CACNA1C: variants seen among roughly 807,000 people sequenced by gnomAD.
The protein encoded by CACNA1C is calcium voltage-gated channel subunit alpha1 C.
CACNA1C carries 30 observed loss-of-function variants against 229.0 expected under a neutral mutation model. The observed-to-expected ratio is 0.13, with a 90% confidence interval of 0.10 to 0.18. The LOEUF (loss-of-function observed/expected upper bound fraction) is 0.18, where lower values mean the gene tolerates loss of function less well. Among genes scored for constraint, CACNA1C ranks in the 10% least tolerant of loss-of-function variants. CACNA1C has a pLI of 1.00. For synonymous variants in CACNA1C, 1,114 were observed against 1,132.5 expected, an observed-to-expected ratio of 0.98 and a Z score of 0.33; for missense variants, 1,658 against 2,845.0, an observed-to-expected ratio of 0.58 and a Z score of 9.49.
At chr12:2,530,941 AC>A (rs2099839607) in intron 9 of CACNA1C, among the ~76,000 whole-genome samples, 1 of 152,158 alleles carries the variant, frequency 6.6e-6, no homozygotes, top group African/African-American at 2.4e-5. Flanking sequence ...CCTCCAGGCG[AC>A]CTTTAGACGC....
At chr12:2,136,498 A>G (rs1011487558) in intron 3 of CACNA1C, among the ~76,000 whole-genome samples, 5 of 151,412 alleles carry the variant, frequency 3.3e-5, no homozygotes, top group Admixed American at 1.3e-4. Flanking sequence ...CTAAGGTATA[A>G]ATGGGAGGGG....
intron 1 of CACNA1C, among the ~76,000 whole-genome samples, chr12:2,097,236 C>T (rs1260049375): frequency 6.6e-6 from 1 of 152,136 alleles, no homozygotes; most frequent in Admixed American, 6.5e-5. Context: ...AGCTCCGCCT[C>T]CCAGGTTCAC....
chr12:2,123,249 A>G (rs992716283), intron 3 of CACNA1C, among the ~76,000 whole-genome samples: 7 of 151,786 alleles, frequency 4.6e-5, no homozygotes, highest in Non-Finnish European at 8.8e-5. Flanking sequence ...GGTGGCGGGC[A>G]CCTGTAGTCC....
At chr12:2,204,947 T>A (rs1197453486) in intron 3 of CACNA1C, among the ~76,000 whole-genome samples, 3 of 127,390 alleles carry the variant, frequency 2.4e-5, no homozygotes, top group Non-Finnish European at 3.6e-5. Context: ...TAAAAAAAAA[T>A]AAATTAATTA....
intron 3 of CACNA1C, among the ~76,000 whole-genome samples, chr12:2,177,634 C>CCTTCCTTCTCTCTCTCTTTCTT (rs1566165741): frequency 1.1e-4 from 12 of 112,982 alleles, no homozygotes; most frequent in South Asian, 3.6e-4. Flanking sequence ...CCTTCTCTCT[C>CCTTCCTTCTCTCTCTCTTTCTT]TCTTTCTTTC....
intron 3 of CACNA1C, among the ~76,000 whole-genome samples, chr12:2,144,646 C>T (rs899802536): frequency 2.0e-5 from 3 of 151,184 alleles, no homozygotes; most frequent in Non-Finnish European, 4.4e-5. Flanking sequence ...TAATATTTTA[C>T]GCGTGCTACT....
chr12:2,690,773 C>T (rs2097772805), intron 46 of CACNA1C, 127 bp from the exon 47 acceptor site: 4 of 872,410 alleles, frequency 4.6e-6, no homozygotes, highest in Non-Finnish European at 6.9e-6. Flanking sequence ...CACACGTACA[C>T]GTGCACACAC....
intron 3 of CACNA1C, among the ~76,000 whole-genome samples, chr12:2,180,675 G>A (rs972352596): frequency 1.3e-5 from 2 of 152,192 alleles, no homozygotes; most frequent in Admixed American, 1.3e-4. Flanking sequence ...AAAGTGAGGG[G>A]CTGGTTTTGG....
At chr12:2,680,504 C>T (rs974037981) in intron 42 of CACNA1C, 11 of 1,571,188 alleles carry the variant, frequency 7.0e-6, no homozygotes, top group Non-Finnish European at 6.9e-6. Context: ...TGCCTGGCCA[C>T]GCTTCACTGT....
chr12:2,565,322 C>T (rs1456143500), intron 11 of CACNA1C, among the ~76,000 whole-genome samples: 2 of 151,734 alleles, frequency 1.3e-5, no homozygotes, highest in Admixed American at 1.3e-4. Flanking sequence ...AAAAAATTAG[C>T]CGGGCGCGGT....
intron 3 of CACNA1C, among the ~76,000 whole-genome samples, chr12:2,255,786 G>C (rs1220412146): frequency 5.8e-4 from 1 of 1,718 alleles, no homozygotes; most frequent in Non-Finnish European, 1.3e-3. Context: ...AAACAAAATA[G>C]ACCTGACCCT....
At chr12:2,634,448 T>G (rs942552257) in intron 30 of CACNA1C, 68 bp downstream of exon 30, 1 of 688,818 alleles carries the variant, frequency 1.5e-6, no homozygotes, top group African/African-American at 1.9e-5. Flanking sequence ...TTTCCCGGTT[T>G]GTTTCCTTCA....
intron 1 of CACNA1C, among the ~76,000 whole-genome samples, chr12:2,077,609 T>A (rs923012943): frequency 6.6e-6 from 1 of 152,178 alleles, no homozygotes; most frequent in African/African-American, 2.4e-5. Context: ...AAATAGCTAA[T>A]GCCATGGCAG....
chr12:2,458,036 C>G (rs564457078), intron 5 of CACNA1C, among the ~76,000 whole-genome samples: 32 of 152,308 alleles, frequency 2.1e-4, no homozygotes, highest in Non-Finnish European at 4.4e-4. Flanking sequence ...AGCAGAAGAG[C>G]CAGGTGGCTA....
At chr12:2,307,822 A>G (rs560693383) in intron 3 of CACNA1C, among the ~76,000 whole-genome samples, 13 of 152,312 alleles carry the variant, frequency 8.5e-5, no homozygotes, top group African/African-American at 3.1e-4. Context: ...CAATTCCAAA[A>G]GGCAATGCGG....
At chr12:2,038,851 C>T (rs1345506107) in intron 1 of CACNA1C, among the ~76,000 whole-genome samples, 2 of 152,026 alleles carry the variant, frequency 1.3e-5, no homozygotes, top group Non-Finnish European at 2.9e-5. Flanking sequence ...AATATTACAG[C>T]AACACCCTGA....
intron 3 of CACNA1C, among the ~76,000 whole-genome samples, chr12:2,279,341 A>G (rs75728817): frequency 0.057 from 8,716 of 152,294 alleles, 321 homozygotes; most frequent in African/African-American, 0.093. Flanking sequence ...AATAAGGCTT[A>G]AAATCAGATA....
chr12:2,023,626 C>T (rs1398897801), intron 1 of CACNA1C, among the ~76,000 whole-genome samples: 2 of 152,104 alleles, frequency 1.3e-5, no homozygotes, highest in African/African-American at 4.8e-5. Flanking sequence ...GGCAGAGGTG[C>T]GCTGTTAGTA....
At chr12:2,291,491 C>T (rs546526030) in intron 3 of CACNA1C, among the ~76,000 whole-genome samples, 2 of 152,344 alleles carry the variant, frequency 1.3e-5, no homozygotes, top group East Asian at 1.9e-4. Context: ...AGTTTTGCAA[C>T]TGTTTTAATT....
Sources: allele counts gnomAD v4.1 joint callset (sites outside exome capture counted in the v4.1 genomes callset), GRCh38; gene constraint gnomAD v4.1.1; transcripts MANE v1.5; gene names NCBI Gene and HGNC (gene_info 2026-07-23, HGNC 2026-07-21).